The following NKAIN2 variants were observed in gnomAD, a reference collection of about 807,000 sequenced individuals.
The protein encoded by NKAIN2 is sodium/potassium-transporting ATPase subunit beta-1-interacting protein 2.
Under a neutral mutation model 32.6 loss-of-function variants are expected in NKAIN2, and 14 were observed. The observed-to-expected ratio is 0.43, with a 90% confidence interval of 0.28 to 0.67. The LOEUF (loss-of-function observed/expected upper bound fraction) is 0.67, where lower values mean the gene tolerates loss of function less well. Among genes scored for constraint, NKAIN2 ranks in the 30% least tolerant of loss-of-function variants. NKAIN2 has a pLI of 0.17. For missense variants in NKAIN2, 198 were observed against 258.3 expected (o/e 0.77, Z 1.60); for synonymous variants, 80 against 87.2 (o/e 0.92, Z 0.46).
intron 1 of NKAIN2, among the ~76,000 whole-genome samples, chr6:124,085,777 A>G (rs1022291158): frequency 2.0e-5 from 3 of 152,044 alleles, no homozygotes; most frequent in South Asian, 2.1e-4. Flanking sequence ...TCTGGCATCA[A>G]TGGGTAATAA....
intron 1 of NKAIN2, among the ~76,000 whole-genome samples, chr6:124,165,612 C>A (rs539886622): frequency 1.7e-3 from 251 of 150,614 alleles, no homozygotes; most frequent in Middle Eastern, 0.01. Flanking sequence ...GTGTGCTGCA[C>A]CCATTAACTC....
intron 1 of NKAIN2, among the ~76,000 whole-genome samples, chr6:123,983,743 ATAT>A (rs1052781244): frequency 1.6e-3 from 128 of 80,372 alleles, no homozygotes; most frequent in African/African-American, 5.5e-3. Context: ...GTATATATAT[ATAT>A]TTTTTTTTTC....
chr6:124,452,111 CT>C (rs1776131261), intron 3 of NKAIN2, among the ~76,000 whole-genome samples: 1 of 151,122 alleles, frequency 6.6e-6, no homozygotes, highest in African/African-American at 2.4e-5. Context: ...AGGAGGACCA[CT>C]TGAGCCTGGG....
intron 3 of NKAIN2, among the ~76,000 whole-genome samples, chr6:124,626,404 T>TAAC (rs2114283803): frequency 6.6e-6 from 1 of 151,322 alleles, no homozygotes; most frequent in South Asian, 2.1e-4. Flanking sequence ...GATATAATCG[T>TAAC]AACAAGAAGC....
At chr6:124,454,163 C>T (rs1417085474) in intron 3 of NKAIN2, among the ~76,000 whole-genome samples, 1 of 149,740 alleles carries the variant, frequency 6.7e-6, no homozygotes, top group Non-Finnish European at 1.5e-5. Context: ...TTAGACCAAA[C>T]ATACAAATAG....
chr6:124,440,423 A>G (rs1403628625), intron 3 of NKAIN2, among the ~76,000 whole-genome samples: 1 of 152,002 alleles, frequency 6.6e-6, no homozygotes. Context: ...AATTTCCTTC[A>G]CCCTACATTA....
intron 1 of NKAIN2, among the ~76,000 whole-genome samples, chr6:124,109,486 A>G (rs541670177): frequency 1.3e-5 from 2 of 152,048 alleles, no homozygotes; most frequent in East Asian, 1.9e-4. Context: ...CTATGTGTCT[A>G]TAGACTTTAG....
chr6:124,657,175 A>G (rs1562309131), intron 3 of NKAIN2, among the ~76,000 whole-genome samples: 1 of 152,220 alleles, frequency 6.6e-6, no homozygotes, highest in Non-Finnish European at 1.5e-5. Flanking sequence ...TTATCTGTAC[A>G]GGGTCTGCCT....
At chr6:124,804,501 C>T (rs1240557987) in intron 5 of NKAIN2, 2 of 931,542 alleles carry the variant, frequency 2.1e-6, no homozygotes, top group African/African-American at 3.6e-5. Context: ...TATTAAAGAT[C>T]TGGGGGAGGA....
intron 2 of NKAIN2, among the ~76,000 whole-genome samples, chr6:124,340,812 G>A (rs1322107234): frequency 6.6e-6 from 1 of 152,066 alleles, no homozygotes; most frequent in Non-Finnish European, 1.5e-5. Context: ...CGCTTCAGTG[G>A]CATGCTCCCA....
chr6:124,745,484 G>T (rs1777406853), intron 4 of NKAIN2, among the ~76,000 whole-genome samples: 1 of 151,828 alleles, frequency 6.6e-6, no homozygotes, highest in African/African-American at 2.4e-5. Context: ...TCTCCTTATA[G>T]TTCAACATAT....
chr6:124,346,511 G>T (rs1377793810), intron 2 of NKAIN2, among the ~76,000 whole-genome samples: 2 of 152,074 alleles, frequency 1.3e-5, no homozygotes, highest in East Asian at 3.9e-4. Flanking sequence ...TATGAATCTG[G>T]GTGCTCCTGT....
intron 1 of NKAIN2, among the ~76,000 whole-genome samples, chr6:124,018,819 A>T (rs1780721229): frequency 6.6e-6 from 1 of 152,154 alleles, no homozygotes; most frequent in Admixed American, 6.5e-5. Context: ...CCTGTTACCC[A>T]GTTCCAAAGT....
In NKAIN2 at chr6:124,190,948, T is replaced by A. The variant is rs536224720; in HGVS notation, c.55-92057T>A. On this transcript the variant is annotated intron_variant, in intron 1 of 6. Coordinates refer to ENST00000368417, the MANE Select transcript of NKAIN2 (RefSeq NM_001040214.3). ...ATACTCTTTTTCCCTCTCTATAACA[T>A]CCTCCCCCACCATCAATATTCTACA... Among the ~76,000 whole-genome samples, 18 of 152,218 alleles carry A rather than the reference T, an allele frequency of 1.2e-4. No individual in the cohort carries two copies. In the South Asian group the frequency reaches 2.9e-3, roughly 25 times the overall value.
At chr6:123,908,742 T>C (rs746589233) in intron 1 of NKAIN2, among the ~76,000 whole-genome samples, 1 of 152,238 alleles carries the variant, frequency 6.6e-6, no homozygotes, top group Non-Finnish European at 1.5e-5. Flanking sequence ...ATACAGAGTT[T>C]GATTAGCGTT....
intron 3 of NKAIN2, among the ~76,000 whole-genome samples, chr6:124,480,445 A>G (rs1289845384): frequency 2.0e-5 from 3 of 152,194 alleles, no homozygotes; most frequent in African/African-American, 7.2e-5. Context: ...GTTAAAGAGC[A>G]GATATCAAGA....
intron 3 of NKAIN2, among the ~76,000 whole-genome samples, chr6:124,601,548 G>A (rs993154268): frequency 6.6e-6 from 1 of 151,948 alleles, no homozygotes; most frequent in Admixed American, 6.6e-5. Flanking sequence ...TAAATGAAAG[G>A]CCCAGCCCAG....
rs1583696749 is a variant in NKAIN2, at chr6:124,711,375, G to T, written c.474+52989G>T. 5.1e-5 allele frequency among the ~76,000 whole-genome samples: 6 copies of T among 117,334 alleles called. No homozygotes were observed. In the South Asian group the frequency reaches 1.7e-3, roughly 32 times the overall value. 77.0% of individuals were successfully genotyped at this position (117,334 alleles called of 152,430 possible). A position where few individuals can be genotyped will look rare whatever the true frequency, so the allele number is the denominator to read the frequency against. ...ATCTGAACGTTGGCCTGCCTTGCTA[G>T]ATTGGGGAAGTTCTCCTGGATAATA... On this transcript the variant is annotated intron_variant, in intron 4 of 6. Coordinates refer to ENST00000368417, the MANE Select transcript of NKAIN2 (RefSeq NM_001040214.3).
chr6:123,842,179 T>G (rs1774899456), intron 1 of NKAIN2, among the ~76,000 whole-genome samples: 1 of 152,192 alleles, frequency 6.6e-6, no homozygotes, highest in South Asian at 2.1e-4. Context: ...AAAATAAATT[T>G]GTGGCACGTA....
Sources: allele counts gnomAD v4.1 joint callset (sites outside exome capture counted in the v4.1 genomes callset), GRCh38; gene constraint gnomAD v4.1.1; transcripts MANE v1.5; gene names NCBI Gene and HGNC (gene_info 2026-07-23, HGNC 2026-07-21).